Variants in FRK observed in about 807,000 individuals in gnomAD.
FRK encodes the protein fyn related Src family tyrosine kinase, also known as tyrosine-protein kinase FRK.
Under a neutral mutation model 56.4 loss-of-function variants are expected in FRK, and 51 were observed. That is an observed-to-expected ratio of 0.90 (90% CI 0.72 to 1.14). The LOEUF (loss-of-function observed/expected upper bound fraction) is 1.14, where lower values mean the gene tolerates loss of function less well. FRK is among the 50% of genes most tolerant of loss of function. The probability of loss-of-function intolerance (pLI) is 0.00; values close to 1 mark genes in which losing one functional copy is unlikely to be tolerated. For synonymous variants in FRK, 245 were observed against 217.9 expected (o/e 1.12, Z -1.10); for missense variants, 570 against 601.4 (o/e 0.95, Z 0.55).
intron 2 of FRK, among the ~76,000 whole-genome samples, chr6:115,998,643 C>CA (rs1401861392): frequency 6.6e-6 from 1 of 152,246 alleles, no homozygotes; most frequent in Non-Finnish European, 1.5e-5. Context: ...TCTCTTGTCT[C>CA]ACAACAAAAT....
chr6:116,040,363 A>G (rs1776666861), intron 1 of FRK, among the ~76,000 whole-genome samples: 1 of 152,166 alleles, frequency 6.6e-6, no homozygotes, highest in South Asian at 2.1e-4. Context: ...ATAATATCCT[A>G]TGGAAGTATA....
At chr6:116,047,378 C>A (rs1777004519) in intron 1 of FRK, among the ~76,000 whole-genome samples, 1 of 149,886 alleles carries the variant, frequency 6.7e-6, no homozygotes, top group Non-Finnish European at 1.5e-5. Flanking sequence ...GAGATGGAGG[C>A]AGCTGTGTTC....
rs533720920 is a variant in FRK, at chr6:115,958,625, C to T, written c.800-2015G>A. On this transcript the variant is annotated intron_variant, in intron 4 of 7. Coordinates refer to ENST00000606080, the MANE Select transcript of FRK (RefSeq NM_002031.3). ...CCTGGGAAATAGAGTGAGACTCTGT[C>T]TCAAAAAAGGAAAGAAAGAAAAGAA... is the stretch of plus-strand genomic sequence containing the variant. Among the ~76,000 whole-genome samples the T allele has an allele frequency of 7.5e-3, 361 of 48,404 alleles. 4 individuals are homozygous for T. The highest frequency in any genetic ancestry group is 0.012 in the Non-Finnish European group (295 of 25,492). 31.8% of individuals were successfully genotyped at this position (48,404 alleles called of 152,430 possible).
At position 115,932,737 on chromosome 6, in the gene FRK, G is replaced by C. The variant is rs532397556; in HGVS notation, c.*9677C>G. 1 of 152,288 alleles carries C rather than the reference G, an allele frequency of 6.6e-6. No individual in the cohort carries two copies. Among genetic ancestry groups the C allele is most frequent in the African/African-American group, 2.4e-5 (1 of 41,562 alleles). 9.4% of individuals were successfully genotyped at this position (152,288 alleles called of 1,614,324 possible). A position where few individuals can be genotyped will look rare whatever the true frequency, so the allele number is the denominator to read the frequency against. ...CTTAACAAACCATGGAACACCAGCT[G>C]GGCTCTGCTTCCTTCAGGAAGCTCC... On this transcript the variant is annotated 3_prime_UTR_variant, in exon 8 of 8. Coordinates refer to ENST00000606080, the MANE Select transcript of FRK (RefSeq NM_002031.3).
Position 116,027,456 on chromosome 6 carries a change from G to A in FRK, c.345-23458C>T, listed in dbSNP as rs184066415. 2.6e-3 allele frequency among the ~76,000 whole-genome samples: 392 copies of A among 152,228 alleles called. 12 individuals are homozygous for A. The South Asian group carries it at 0.044, about 17-fold the overall frequency. ...AAGTCACCAAAGGTGAAAAGATACAGAAATTATCAAAGTACAGTGTCAGAT... is the reference window on the plus strand; with the variant it reads ...AAGTCACCAAAGGTGAAAAGATACAAAAATTATCAAAGTACAGTGTCAGAT... On this transcript the variant is annotated intron_variant, in intron 1 of 7. Transcript: ENST00000606080.
the FRK span, among the ~76,000 whole-genome samples, chr6:116,088,425 AAG>A: frequency 6.6e-6 from 1 of 152,226 alleles, no homozygotes; most frequent in Non-Finnish European, 1.5e-5. Flanking sequence ...AGCCTGACCT[AAG>A]AGCATTCTCT....
At chr6:116,048,642 T>C (rs1474989448) in intron 1 of FRK, among the ~76,000 whole-genome samples, 5 of 152,084 alleles carry the variant, frequency 3.3e-5, no homozygotes, top group Non-Finnish European at 7.4e-5. Flanking sequence ...CACCTCAACC[T>C]CCAAAAGTAC....
At chr6:116,096,712 C>T in the FRK span, among the ~76,000 whole-genome samples, 15 of 152,188 alleles carry the variant, frequency 9.9e-5, no homozygotes, top group African/African-American at 3.1e-4. Context: ...ATCAGCAGGA[C>T]GTGTGCAGGG....
chr6:116,003,974 T>A lies in FRK; in HGVS notation c.369A>T (p.Arg123Ser). ...AEPWFFGAIG[R>S]SDAEKQLLYS... ...ATAATAGTTGTTTCTCTGCATCTGA[T>A]CTTCCGATTGCTCCAAAGAACCACC... The change falls in exon 2 of 8, where the codon AGA becomes AGT. Residue 123 changes from arginine (R) to serine (S), a missense_variant. Coordinates refer to ENST00000606080, the MANE Select transcript of FRK (RefSeq NM_002031.3). The A allele has an allele frequency of 6.2e-7, 1 of 1,612,802 alleles. No homozygotes were observed. The highest frequency in any genetic ancestry group is 8.5e-7 in the Non-Finnish European group (1 of 1,179,082).
intron 2 of FRK, among the ~76,000 whole-genome samples, chr6:115,975,398 T>C (rs945514141): frequency 2.0e-5 from 3 of 152,182 alleles, no homozygotes; most frequent in African/African-American, 4.8e-5. Flanking sequence ...GAAGGCACTT[T>C]TAATATTGCA....
At chr6:116,006,631 C>T (rs900627427) in intron 1 of FRK, among the ~76,000 whole-genome samples, 9 of 152,218 alleles carry the variant, frequency 5.9e-5, no homozygotes, top group Admixed American at 2.0e-4. Flanking sequence ...GATAAACAAA[C>T]AGTTGTAGAT....
intron 2 of FRK, among the ~76,000 whole-genome samples, chr6:115,999,432 C>T (rs868234509): frequency 1.3e-5 from 2 of 152,130 alleles, no homozygotes; most frequent in African/African-American, 4.8e-5. Context: ...AGCAGACAGC[C>T]GTGCAGGGAT....
intron 1 of FRK, among the ~76,000 whole-genome samples, chr6:116,030,415 A>G (rs967573032): frequency 2.6e-5 from 4 of 152,142 alleles, no homozygotes; most frequent in Non-Finnish European, 2.9e-5. Context: ...GAAAATGATA[A>G]GAGTTTTAGG....
chr6:115,954,231 C>T (rs751899221), intron 5 of FRK, among the ~76,000 whole-genome samples: 21 of 152,190 alleles, frequency 1.4e-4, no homozygotes, highest in African/African-American at 3.9e-4. Context: ...GTGTGGCTGA[C>T]GAAGACTGAG....
chr6:116,080,861 G>A, the FRK span, among the ~76,000 whole-genome samples: 1 of 152,162 alleles, frequency 6.6e-6, no homozygotes, highest in Admixed American at 6.5e-5. Context: ...TATCCATTTT[G>A]ATATGGATGT....
At chr6:116,097,041 G>T in the FRK span, among the ~76,000 whole-genome samples, 1 of 152,046 alleles carries the variant, frequency 6.6e-6, no homozygotes, top group Non-Finnish European at 1.5e-5. Flanking sequence ...TTTCTAAGTA[G>T]GCTTCTTCTT....
At chr6:115,959,840 A>G (rs1442030986) in intron 4 of FRK, among the ~76,000 whole-genome samples, 2 of 152,212 alleles carry the variant, frequency 1.3e-5, no homozygotes, top group Admixed American at 6.5e-5. Context: ...CCAGGTTTAA[A>G]CACAGATTTA....
chr6:115,958,393 A>G (rs373828113), intron 4 of FRK, among the ~76,000 whole-genome samples: 1 of 152,014 alleles, frequency 6.6e-6, no homozygotes, highest in Non-Finnish European at 1.5e-5. Flanking sequence ...TTGGGAGGCC[A>G]AGGCAGGCGG....
intron 1 of FRK, among the ~76,000 whole-genome samples, chr6:116,045,407 C>T (rs1776909449): frequency 6.6e-6 from 1 of 152,108 alleles, no homozygotes; most frequent in South Asian, 2.1e-4. Context: ...TGGAACAGAA[C>T]AGAGGCCTCA....
Sources: allele counts gnomAD v4.1 joint callset (sites outside exome capture counted in the v4.1 genomes callset), GRCh38; gene constraint gnomAD v4.1.1; transcripts MANE v1.5; gene names NCBI Gene and HGNC (gene_info 2026-07-23, HGNC 2026-07-21).